TSC22D1: variants seen among roughly 807,000 people sequenced by gnomAD.
TSC22D1 encodes the protein TSC22 domain family protein 1.
A neutral mutation model predicts 74.2 loss-of-function variants in TSC22D1; 9 were observed. The ratio of observed to expected loss-of-function variants is 0.12; its 90% CI spans 0.07 to 0.21. The LOEUF (loss-of-function observed/expected upper bound fraction) is 0.21. TSC22D1 is among the 10% of genes least tolerant of loss of function. The pLI is 1.00. For missense variants in TSC22D1, 1,427 were observed against 1,304.7 expected, an observed-to-expected ratio of 1.09 and a Z score of -1.44; for synonymous variants, 586 against 492.5, an observed-to-expected ratio of 1.19 and a Z score of -2.51.
intron 1 of TSC22D1, among the ~76,000 whole-genome samples, chr13:44,446,851 G>T (rs1321387863): frequency 9.6e-6 from 1 of 104,298 alleles, no homozygotes; most frequent in South Asian, 3.7e-4. Context: ...AGAAGAAGAA[G>T]AGGAAAAGAA....
At chr13:44,480,005 C>T (rs930990635) in intron 1 of TSC22D1, among the ~76,000 whole-genome samples, 1 of 152,138 alleles carries the variant, frequency 6.6e-6, no homozygotes, top group African/African-American at 2.4e-5. Flanking sequence ...AAACATGAAA[C>T]TATTAAGCCA....
intron 1 of TSC22D1, among the ~76,000 whole-genome samples, chr13:44,544,761 C>G (rs183900802): frequency 6.6e-6 from 1 of 152,036 alleles, no homozygotes; most frequent in East Asian, 1.9e-4. Flanking sequence ...AATATACCAT[C>G]TGAAAATGTT....
intron 1 of TSC22D1, among the ~76,000 whole-genome samples, chr13:44,548,469 A>C (rs1178208661): frequency 6.6e-6 from 1 of 152,254 alleles, no homozygotes; most frequent in Non-Finnish European, 1.5e-5. Context: ...TTTTAAGTAG[A>C]ATTCTGAAAC....
intron 1 of TSC22D1, among the ~76,000 whole-genome samples, chr13:44,548,314 A>C (rs1290499942): frequency 2.6e-5 from 4 of 152,164 alleles, no homozygotes; most frequent in Admixed American, 2.0e-4. Context: ...GTCAGGAGTT[A>C]GAGACCAGCC....
intron 1 of TSC22D1, among the ~76,000 whole-genome samples, chr13:44,504,643 A>C (rs1031694081): frequency 6.6e-6 from 1 of 151,924 alleles, no homozygotes; most frequent in Non-Finnish European, 1.5e-5. Context: ...AAACTGATAG[A>C]AGTAATTTGA....
chr13:44,444,320 A>T (rs865942360), intron 1 of TSC22D1, among the ~76,000 whole-genome samples: 1 of 126,222 alleles, frequency 7.9e-6, no homozygotes, highest in Admixed American at 7.9e-5. Context: ...AAAAGAAAAG[A>T]AAAAGAAAAA....
chr13:44,433,965 CTACA>C lies in TSC22D1; in HGVS notation c.*657_*660del. ...TCCTCTATTGTACAAAATAGTTACACTACATACACAAATATACAATAAGCAAAAC... is the reference window on the plus strand; with the variant it reads ...TCCTCTATTGTACAAAATAGTTACACTACACAAATATACAATAAGCAAAAC... On this transcript the variant is annotated 3_prime_UTR_variant, in exon 3 of 3. Coordinates refer to ENST00000458659, the MANE Select transcript of TSC22D1 (RefSeq NM_183422.4). 1.3e-6 allele frequency: 2 copies of C among 1,532,248 alleles called. No individual in the cohort carries two copies. Among genetic ancestry groups the C allele is most frequent in the Non-Finnish European group, 1.7e-6 (2 of 1,145,632 alleles). The allele number at this position is 1,532,248 out of a possible 1,614,324, so 94.9% of individuals were successfully genotyped here.
At chr13:44,507,111 T>C (rs2137997914) in intron 1 of TSC22D1, among the ~76,000 whole-genome samples, 1 of 152,220 alleles carries the variant, frequency 6.6e-6, no homozygotes, top group African/African-American at 2.4e-5. Context: ...GAGGCCCAGG[T>C]TGAAGATAAA....
In TSC22D1 at chr13:44,433,925, A is replaced by C; in HGVS notation, c.*701T>G. 1 of 1,473,684 alleles carries C rather than the reference A, an allele frequency of 6.8e-7. No individual in the cohort carries two copies. The highest frequency in any genetic ancestry group is 9.0e-7 in the Non-Finnish European group (1 of 1,106,542). The allele number at this position is 1,473,684 out of a possible 1,614,324, so 91.3% of individuals were successfully genotyped here. On this transcript the variant is annotated 3_prime_UTR_variant, in exon 3 of 3. Coordinates refer to ENST00000458659, the MANE Select transcript of TSC22D1 (RefSeq NM_183422.4). ...AACTAAATTTCAATCTGTACAACCTAAATAGTAGTTACAGTCCTCTATTGT... is the reference window on the plus strand; with the variant it reads ...AACTAAATTTCAATCTGTACAACCTCAATAGTAGTTACAGTCCTCTATTGT...
chr13:44,442,742 C>G (rs557829491), intron 1 of TSC22D1, among the ~76,000 whole-genome samples: 34 of 151,662 alleles, frequency 2.2e-4, no homozygotes, highest in Non-Finnish European at 1.0e-4. Flanking sequence ...TATGGTGAAA[C>G]CCCATCTCTA....
At chr13:44,545,604 A>G (rs1881772187) in intron 1 of TSC22D1, among the ~76,000 whole-genome samples, 1 of 151,860 alleles carries the variant, frequency 6.6e-6, no homozygotes, top group Non-Finnish European at 1.5e-5. Context: ...AAAAAGGATA[A>G]TCTTCCTACT....
intron 1 of TSC22D1, among the ~76,000 whole-genome samples, chr13:44,513,406 A>G (rs1879830370): frequency 6.6e-6 from 1 of 152,244 alleles, no homozygotes; most frequent in African/African-American, 2.4e-5. Context: ...TACTATACCA[A>G]TTTAAATCAC....
At chr13:44,455,401 G>A (rs1465935371) in intron 1 of TSC22D1, among the ~76,000 whole-genome samples, 1 of 152,240 alleles carries the variant, frequency 6.6e-6, no homozygotes, top group East Asian at 1.9e-4. Context: ...TGCTATCTTG[G>A]TTTTCTGAAA....
At chr13:44,529,666 T>C (rs533285309) in intron 1 of TSC22D1, among the ~76,000 whole-genome samples, 5 of 152,208 alleles carry the variant, frequency 3.3e-5, no homozygotes, top group East Asian at 1.9e-4. Flanking sequence ...GATGATATGA[T>C]TGTGTATGTT....
chr13:44,539,954 G>A (rs117580358), intron 1 of TSC22D1: 1,046 of 1,280,202 alleles, frequency 8.2e-4, no homozygotes, highest in Non-Finnish European at 1.0e-3. Flanking sequence ...TAGATTTAAG[G>A]AAAAATTCTT....
chr13:44,495,170 C>G (rs1878908525), intron 1 of TSC22D1, among the ~76,000 whole-genome samples: 1 of 151,082 alleles, frequency 6.6e-6, no homozygotes, highest in African/African-American at 2.4e-5. Flanking sequence ...AAAGAATAGA[C>G]AGAAAAGGAA....
In TSC22D1 at chr13:44,434,128, T is replaced by A. The variant is rs1454698384; in HGVS notation, c.*498A>T. The A allele has an allele frequency of 6.7e-7, 1 of 1,500,764 alleles. No individual in the cohort carries two copies. The highest frequency in any genetic ancestry group is 8.8e-7 in the Non-Finnish European group (1 of 1,137,968). 93.0% of individuals were successfully genotyped at this position (1,500,764 alleles called of 1,614,324 possible). A position where few individuals can be genotyped will look rare whatever the true frequency, so the allele number is the denominator to read the frequency against. The stretch of plus-strand genomic sequence containing the variant: ...TTTTTATGAATTTTGGTGACAGTTG[T>A]CAAATTTGTACAGTGAACTCTGTTC... On this transcript the variant is annotated 3_prime_UTR_variant, in exon 3 of 3. Coordinates refer to ENST00000458659, the MANE Select transcript of TSC22D1 (RefSeq NM_183422.4).
intron 1 of TSC22D1, among the ~76,000 whole-genome samples, chr13:44,522,331 T>G (rs1464069925): frequency 1.3e-5 from 2 of 152,188 alleles, no homozygotes; most frequent in South Asian, 2.1e-4. Flanking sequence ...AATTTGGATT[T>G]TGTTGTTTGT....
intron 1 of TSC22D1, among the ~76,000 whole-genome samples, chr13:44,521,929 C>T (rs1038957919): frequency 2.0e-5 from 3 of 151,752 alleles, no homozygotes; most frequent in African/African-American, 4.8e-5. Flanking sequence ...ATTTGTTTGG[C>T]GCCTACTGTG....
Sources: allele counts gnomAD v4.1 joint callset (sites outside exome capture counted in the v4.1 genomes callset), GRCh38; gene constraint gnomAD v4.1.1; transcripts MANE v1.5; gene names NCBI Gene and HGNC (gene_info 2026-07-23, HGNC 2026-07-21).